Variants in TEX11 observed in about 807,000 individuals in gnomAD.
The protein encoded by TEX11 is testis expressed 11.
TEX11 carries 7 observed loss-of-function variants against 84.4 expected under a neutral mutation model. The ratio of observed to expected loss-of-function variants is 0.08; its 90% CI spans 0.05 to 0.16. The LOEUF is 0.16. Among genes scored for constraint, TEX11 ranks in the 10% least tolerant of loss-of-function variants. The probability of loss-of-function intolerance (pLI) is 1.00; values close to 1 mark genes in which losing one functional copy is unlikely to be tolerated. For missense variants in TEX11, 551 were observed against 660.5 expected, an observed-to-expected ratio of 0.83 and a Z score of 1.82; for synonymous variants, 264 against 222.8, an observed-to-expected ratio of 1.18 and a Z score of -1.64.
rs577063587 is a variant in TEX11, at chrX:70,822,163, T to G, written c.606+11350A>C. ...AAATAATACAGTATAACAACTGTAT[T>G]AGGTAGGAATAGGAAAGTAGTAGGA... On this transcript the variant is annotated intron_variant, in intron 8 of 29. Coordinates refer to ENST00000374333, the MANE Select transcript of TEX11 (RefSeq NM_031276.3). Among the ~76,000 whole-genome samples, 53 of 111,551 alleles carry G rather than the reference T, an allele frequency of 4.8e-4. No individual in the cohort carries two copies. The South Asian group carries it at 0.02, about 41-fold the overall frequency.
chrX:70,556,852 T>G (rs1420705493), intron 25 of TEX11, among the ~76,000 whole-genome samples: 1 of 111,457 alleles, frequency 9.0e-6, no homozygotes, highest in Non-Finnish European at 1.9e-5. Flanking sequence ...AAAACATCAA[T>G]CTTATTCACA....
intron 16 of TEX11, among the ~76,000 whole-genome samples, chrX:70,654,134 T>C (rs1351590199): frequency 9.0e-6 from 1 of 111,686 alleles, no homozygotes; most frequent in East Asian, 2.8e-4. Flanking sequence ...CCACATATGA[T>C]GTACAACACA....
chrX:70,706,291 C>G (rs2090374785), intron 13 of TEX11, among the ~76,000 whole-genome samples: 1 of 102,750 alleles, frequency 9.7e-6, no homozygotes, highest in South Asian at 4.8e-4. Flanking sequence ...GGGAACATCA[C>G]ACACTGGGGC....
At chrX:70,701,136 T>C (rs1007391379) in intron 13 of TEX11, among the ~76,000 whole-genome samples, 49 of 112,345 alleles carry the variant, frequency 4.4e-4, no homozygotes, top group African/African-American at 1.5e-3. Context: ...AGATCACTGA[T>C]GAAGGTGGCT....
At chrX:70,545,715 T>C (rs1020915135) in intron 28 of TEX11, among the ~76,000 whole-genome samples, 1 of 112,210 alleles carries the variant, frequency 8.9e-6, no homozygotes, top group Non-Finnish European at 1.9e-5. Context: ...GTGCTGTACT[T>C]TTATATGACT....
chrX:70,521,231 G>T, the TEX11 span, among the ~76,000 whole-genome samples: 2 of 111,056 alleles, frequency 1.8e-5, no homozygotes, highest in Non-Finnish European at 3.8e-5. Flanking sequence ...TGATCATGCT[G>T]GGAGCTGTAG....
chrX:70,825,115 C>A (rs5936999), intron 8 of TEX11, among the ~76,000 whole-genome samples: 28,962 of 109,315 alleles, frequency 0.26, 3,273 homozygotes, highest in East Asian at 0.42. Context: ...ATTCTGAGAC[C>A]AGCCTGGCCA....
At chrX:70,669,393 C>T (rs187419447) in intron 16 of TEX11, among the ~76,000 whole-genome samples, 14 of 112,027 alleles carry the variant, frequency 1.2e-4, no homozygotes, top group Non-Finnish European at 2.1e-4. Flanking sequence ...TGAAATAGTG[C>T]TGTCCTGTGC....
chrX:70,620,380 A>C (rs1255385648), intron 20 of TEX11, among the ~76,000 whole-genome samples: 1 of 111,666 alleles, frequency 9.0e-6, no homozygotes, highest in Non-Finnish European at 1.9e-5. Context: ...TCATCAGAAA[A>C]ATACAAAATA....
At chrX:70,516,354 C>A in the TEX11 span, among the ~76,000 whole-genome samples, 1 of 111,817 alleles carries the variant, frequency 8.9e-6, no homozygotes, top group African/African-American at 3.2e-5. Flanking sequence ...GCCAGTTTTC[C>A]CAGCACCATT....
intron 25 of TEX11, among the ~76,000 whole-genome samples, chrX:70,579,530 A>AAAAC (rs2088739681): frequency 9.7e-6 from 1 of 103,138 alleles, no homozygotes; most frequent in Admixed American, 1.1e-4. Context: ...AAAAAAAAAA[A>AAAAC]AAAACAAAAA....
intron 9 of TEX11, among the ~76,000 whole-genome samples, chrX:70,757,486 A>C (rs1344471387): frequency 8.9e-6 from 1 of 111,958 alleles, no homozygotes; most frequent in African/African-American, 3.2e-5. Context: ...TAAAGAGAAG[A>C]ATTTTCAACC....
chrX:70,716,738 C>G (rs954309334), intron 13 of TEX11, among the ~76,000 whole-genome samples: 9 of 112,211 alleles, frequency 8.0e-5, no homozygotes, highest in Non-Finnish European at 9.4e-5. Context: ...CGGGTGAGGC[C>G]ATGCCTCGCC....
the TEX11 span, among the ~76,000 whole-genome samples, chrX:70,523,473 T>C: frequency 9.0e-6 from 1 of 111,279 alleles, no homozygotes; most frequent in African/African-American, 3.3e-5. Context: ...ATTATGCTTT[T>C]CTTTTTTTGA....
intron 9 of TEX11, among the ~76,000 whole-genome samples, chrX:70,752,467 G>C (rs1485185264): frequency 1.0e-5 from 1 of 97,813 alleles, no homozygotes; most frequent in Non-Finnish European, 2.0e-5. Flanking sequence ...GGAGATTGCA[G>C]TGAGCCGAGA....
chrX:70,531,373 T>A (rs947936683), intron 28 of TEX11, among the ~76,000 whole-genome samples: 2 of 111,981 alleles, frequency 1.8e-5, no homozygotes, highest in Non-Finnish European at 3.8e-5. Flanking sequence ...CACAGCACCA[T>A]AATAGTACTT....
intron 2 of TEX11, among the ~76,000 whole-genome samples, chrX:70,888,022 G>A (rs1362765824): frequency 8.8e-6 from 1 of 113,321 alleles, no homozygotes; most frequent in Non-Finnish European, 1.9e-5. Context: ...TGTACTTGGG[G>A]TGCCCCCTAA....
intron 9 of TEX11, among the ~76,000 whole-genome samples, chrX:70,797,256 T>C (rs960402798): frequency 1.8e-5 from 2 of 111,929 alleles, no homozygotes; most frequent in Admixed American, 9.5e-5. Context: ...ATGTGGTACA[T>C]ATACACCATG....
At chrX:70,656,113 G>GTATATATATATATATATATATATA (rs774232604) in intron 16 of TEX11, among the ~76,000 whole-genome samples, 1 of 101,383 alleles carries the variant, frequency 9.9e-6, no homozygotes, top group African/African-American at 3.5e-5. Flanking sequence ...AGGTAGCTGT[G>GTATATATATATATATATATATATA]TATATATATA....
Sources: gnomAD v4.1 joint callset for allele counts (sites outside exome capture counted in the v4.1 genomes callset) on GRCh38, gnomAD v4.1.1 for gene constraint, MANE v1.5 for transcripts, NCBI Gene and HGNC (gene_info 2026-07-23, HGNC 2026-07-21) for gene names.